IQSEC1: variants seen among roughly 807,000 people sequenced by gnomAD.
IQSEC1 encodes the protein IQ motif and SEC7 domain-containing protein 1.
A neutral mutation model predicts 91.0 loss-of-function variants in IQSEC1; 31 were observed. The ratio of observed to expected loss-of-function variants is 0.34; its 90% confidence interval spans 0.26 to 0.46. The LOEUF (loss-of-function observed/expected upper bound fraction) is 0.46, where lower values mean the gene tolerates loss of function less well. IQSEC1 is among the 20% of genes least tolerant of loss of function. IQSEC1 has a pLI of 1.00. For synonymous variants in IQSEC1, 699 were observed against 662.6 expected, an observed-to-expected ratio of 1.05 and a Z score of -0.84; for missense variants, 1,388 against 1,575.6, an observed-to-expected ratio of 0.88 and a Z score of 2.02.
At chr3:13,139,098 C>G (rs1706758538) in intron 2 of IQSEC1, among the ~76,000 whole-genome samples, 1 of 152,158 alleles carries the variant, frequency 6.6e-6, no homozygotes, top group African/African-American at 2.4e-5. Context: ...CAAGCACCCT[C>G]AGCTGATTCC....
In IQSEC1 at chr3:12,924,801, G is replaced by A; in HGVS notation, c.1569-59C>T. 6.8e-7 allele frequency: 1 copy of A among 1,476,892 alleles called. No homozygotes were observed. Among genetic ancestry groups the A allele is most frequent in the Non-Finnish European group, 9.1e-7 (1 of 1,096,802 alleles). 91.5% of individuals were successfully genotyped at this position (1,476,892 alleles called of 1,614,324 possible). On this transcript the variant is annotated intron_variant, in intron 3 of 13. Transcript: ENST00000613206. This position sits in a 1 kb window ranked among gnomAD's most constrained non-coding sequence, Gnocchi z 6.3. Reference sequence around the variant, plus strand: ...CTGCCCGGCCACCAGCCAGGCACCTGGAGGGGATCTCCGCTCAGTGGACGG... The same window carrying A: ...CTGCCCGGCCACCAGCCAGGCACCTAGAGGGGATCTCCGCTCAGTGGACGG...
intron 1 of IQSEC1, among the ~76,000 whole-genome samples, chr3:13,265,841 C>A (rs1270635223): frequency 1.3e-5 from 2 of 148,840 alleles, no homozygotes; most frequent in Admixed American, 6.8e-5. Flanking sequence ...CCACATGTAA[C>A]CACCAGAGAG....
chr3:12,920,547 G>C lies in IQSEC1; in HGVS notation c.1903C>G (p.Pro635Ala), dbSNP rs766638538. The C allele has an allele frequency of 2.2e-5, 35 of 1,614,178 alleles. No homozygotes were observed. The highest frequency in any genetic ancestry group is 2.8e-5 in the Non-Finnish European group (33 of 1,180,016). ...AAGGCCAGGATGAAAATGGTGTCTG[G>C]GTTCCGGAATTGCCGCACCACCCCA... is the stretch of plus-strand genomic sequence containing the variant. ...NPGVVRQFRN[P>A]DTIFILAFAI... Residue 635 changes from proline to alanine, a missense_variant, in exon 6 of 14, where the codon CCA (proline) becomes GCA (alanine). Transcript: ENST00000613206.
chr3:12,912,679 A>AT (rs1252213225), intron 9 of IQSEC1, among the ~76,000 whole-genome samples: 1 of 151,302 alleles, frequency 6.6e-6, no homozygotes, highest in Non-Finnish European at 1.5e-5. Flanking sequence ...TCAAAAAAAA[A>AT]AAAAAAAAAA....
chr3:13,131,063 A>AGGAAGGAAG (rs929185572), intron 2 of IQSEC1, among the ~76,000 whole-genome samples: 2 of 150,804 alleles, frequency 1.3e-5, no homozygotes, highest in African/African-American at 4.9e-5. Context: ...GAAGGAAGGA[A>AGGAAGGAAG]GGAGGGAGGG....
At chr3:13,128,139 A>C (rs536928094) in intron 2 of IQSEC1, among the ~76,000 whole-genome samples, 1 of 152,172 alleles carries the variant, frequency 6.6e-6, no homozygotes, top group Non-Finnish European at 1.5e-5. Context: ...CTTCCTTTCC[A>C]ATCTGTATGA....
At chr3:13,241,131 G>C (rs1038381494) in intron 1 of IQSEC1, among the ~76,000 whole-genome samples, 4 of 152,160 alleles carry the variant, frequency 2.6e-5, no homozygotes, top group African/African-American at 9.7e-5. Context: ...CCCACTGCAG[G>C]CTCTGAGAAG....
chr3:12,913,470 T>C lies in IQSEC1; in HGVS notation c.2274A>G (p.Gly758=). The C allele has an allele frequency of 1.2e-6, 2 of 1,606,964 alleles. No individual in the cohort carries two copies. The highest frequency in any genetic ancestry group is 1.7e-6 in the Non-Finnish European group (2 of 1,175,726). The change falls in exon 9 of 14, where the codon GGA becomes GGG. Residue 758 remains glycine, a synonymous_variant. Transcript: ENST00000613206. ...VPDPNKPQKL[G]LHQREIFLFN... ...ACAGGAAGATTTCTCGCTGGTGTAG[T>C]CCGAGTTTCTGGGGCTTGTTTGGGT... is the stretch of plus-strand genomic sequence containing the variant.
At chr3:13,067,054 CA>C (rs537533211) in intron 1 of IQSEC1, among the ~76,000 whole-genome samples, 254 of 152,338 alleles carry the variant, frequency 1.7e-3, no homozygotes, top group African/African-American at 6.0e-3. Context: ...CCAGAGAGGG[CA>C]AGCAGCCTGC....
rs149496182 is a variant in IQSEC1, at chr3:13,108,141, C to T, written c.302+55963G>A. ...TGTTTTTCCGTAATTGATGTCCACG[C>T]TATAGAGTTTTTAGCTTTGCCTTCC... is the stretch of plus-strand genomic sequence containing the variant. On this transcript the variant is annotated intron_variant, in intron 2 of 15. Coordinates refer to the IQSEC1 transcript ENST00000648114. Among the ~76,000 whole-genome samples, 926 of 152,382 alleles carry T rather than the reference C, an allele frequency of 6.1e-3. 11 individuals carry two copies. Among genetic ancestry groups the T allele is most frequent in the African/African-American group, 0.02 (824 of 41,594 alleles).
intron 1 of IQSEC1, among the ~76,000 whole-genome samples, chr3:12,973,643 C>T (rs762701800): frequency 6.6e-6 from 1 of 152,186 alleles, no homozygotes; most frequent in African/African-American, 2.4e-5. Context: ...CAGCCTTACC[C>T]CATTTACCCT....
chr3:13,036,795 G>A (rs972630361), intron 1 of IQSEC1, among the ~76,000 whole-genome samples: 1 of 152,198 alleles, frequency 6.6e-6, no homozygotes, highest in South Asian at 2.1e-4. Context: ...GATCCCTGGC[G>A]GCCTCTGTTC....
intron 2 of IQSEC1, among the ~76,000 whole-genome samples, chr3:13,108,494 G>A (rs966419343): frequency 6.6e-6 from 1 of 152,064 alleles, no homozygotes; most frequent in Non-Finnish European, 1.5e-5. Flanking sequence ...CAGCGGCAAT[G>A]GGCATGCACA....
chr3:13,068,732 G>A (rs1243772561), intron 1 of IQSEC1, among the ~76,000 whole-genome samples: 1 of 152,096 alleles, frequency 6.6e-6, no homozygotes, highest in Admixed American at 6.5e-5. Flanking sequence ...GCTGTCCCCT[G>A]CACCCGGGGC....
rs562705781 is a variant in IQSEC1 at position 12,933,314 on chromosome 3, G to C, written c.1568+2134C>G. Among the ~76,000 whole-genome samples the C allele has an allele frequency of 2.0e-5, 3 of 152,326 alleles. No homozygotes were observed. In the South Asian group the frequency reaches 6.2e-4, roughly 32 times the overall value. On this transcript the variant is annotated intron_variant, in intron 3 of 13. Coordinates refer to ENST00000613206, the MANE Select transcript of IQSEC1 (RefSeq NM_001134382.3). ...CACAACCACTGTCACACTAGTGCTA[G>C]TTATGAAAAGCTAGAAGCAACTGGC...
chr3:13,273,505 C>T (rs1695622784), intron 1 of IQSEC1, among the ~76,000 whole-genome samples: 1 of 152,244 alleles, frequency 6.6e-6, no homozygotes, highest in African/African-American at 2.4e-5. Flanking sequence ...GGAGCCACTC[C>T]TTTGGTTCCA....
At chr3:13,116,751 T>C (rs559497840) in intron 2 of IQSEC1, among the ~76,000 whole-genome samples, 1 of 151,848 alleles carries the variant, frequency 6.6e-6, no homozygotes, top group Non-Finnish European at 1.5e-5. Context: ...ATACAAAAAT[T>C]AGCCAGGTGG....
At chr3:13,270,374 C>T (rs553595315) in intron 1 of IQSEC1, among the ~76,000 whole-genome samples, 1 of 152,318 alleles carries the variant, frequency 6.6e-6, no homozygotes, top group African/African-American at 2.4e-5. Flanking sequence ...TACCCTGAGG[C>T]AGGACCCCTT....
intron 1 of IQSEC1, among the ~76,000 whole-genome samples, chr3:13,004,436 C>G (rs1054912767): frequency 1.3e-5 from 2 of 152,132 alleles, no homozygotes; most frequent in Non-Finnish European, 2.9e-5. Flanking sequence ...GATGTGGAAA[C>G]CCCTCAGCTA....
Sources: gnomAD v4.1 joint callset for allele counts (sites outside exome capture counted in the v4.1 genomes callset) on GRCh38, gnomAD v4.1.1 for gene constraint, Gnocchi (gnomAD v3.1) non-coding constraint, MANE v1.5 for transcripts, NCBI Gene and HGNC (gene_info 2026-07-23, HGNC 2026-07-21) for gene names.